Variants in CACNA1D observed in about 807,000 individuals in gnomAD.
CACNA1D encodes the protein voltage-dependent L-type calcium channel subunit alpha-1D.
CACNA1D carries 55 observed loss-of-function variants against 257.1 expected under a neutral mutation model. That is an observed-to-expected ratio of 0.21 (90% CI 0.17 to 0.27). The LOEUF (loss-of-function observed/expected upper bound fraction) is 0.27, where lower values mean the gene tolerates loss of function less well. Among genes scored for constraint, CACNA1D ranks in the 10% least tolerant of loss-of-function variants. The pLI is 1.00. For synonymous variants in CACNA1D, 980 were observed against 1,014.9 expected, an observed-to-expected ratio of 0.97 and a Z score of 0.65; for missense variants, 1,876 against 2,784.0, an observed-to-expected ratio of 0.67 and a Z score of 7.34.
At chr3:53,726,830 C>T in intron 14 of CACNA1D, 49 bp from the exon 15 acceptor site, 1 of 1,614,018 alleles carries the variant, frequency 6.2e-7, no homozygotes, top group South Asian at 1.1e-5. Flanking sequence ...AAGAGAGCGG[C>T]TGCAATTTGT....
At position 53,497,231 on chromosome 3, in the gene CACNA1D, T is replaced by C. The variant is rs769710409; in HGVS notation, c.147T>C (p.Thr49=). 6.2e-7 allele frequency: 1 copy of C among 1,614,186 alleles called. No homozygotes were observed. Among genetic ancestry groups the C allele is most frequent in the African/African-American group, 1.3e-5 (1 of 75,052 alleles). ...CTCAGCCGAATAGCTCCAAGCAAAC[T>C]GTCCTGTCTTGGCAAGCTGCAATCG... ...PTSQPNSSKQ[T]VLSWQAAIDA... Residue 49 remains threonine (T), a synonymous_variant, in exon 2 of 48, where the codon ACT becomes ACC. Coordinates refer to ENST00000350061, the MANE Select transcript of CACNA1D (RefSeq NM_001128840.3).
At chr3:53,587,294 T>C (rs767911184) in intron 3 of CACNA1D, among the ~76,000 whole-genome samples, 22 of 152,080 alleles carry the variant, frequency 1.4e-4, no homozygotes, top group Non-Finnish European at 2.5e-4. Flanking sequence ...TCGAGAACTA[T>C]TGGGGTGTAG....
chr3:53,775,009 A>G (rs938941372), intron 34 of CACNA1D, among the ~76,000 whole-genome samples: 1 of 152,224 alleles, frequency 6.6e-6, no homozygotes, highest in African/African-American at 2.4e-5. Flanking sequence ...ACGACCAGGA[A>G]GACAGAAACT....
chr3:53,805,362 C>T lies in CACNA1D; in HGVS notation c.5749+216C>T. The T allele has an allele frequency of 1.0e-5, 6 of 594,928 alleles. No homozygotes were observed. The South Asian group carries it at 1.2e-4, about 12-fold the overall frequency. The allele number at this position is 594,928 out of a possible 1,614,324, so 36.9% of individuals were successfully genotyped here. On this transcript the variant is annotated intron_variant, in intron 45 of 47. Coordinates refer to ENST00000350061, the MANE Select transcript of CACNA1D (RefSeq NM_001128840.3). ...CTAGCCTCTTCAGTGCTATGCTTGA[C>T]TCTCTTTGAGAAGAGAGAGGCTGTG...
chr3:53,715,922 G>T (rs2094813675), intron 9 of CACNA1D, among the ~76,000 whole-genome samples: 1 of 152,144 alleles, frequency 6.6e-6, no homozygotes, highest in Non-Finnish European at 1.5e-5. Context: ...CTAATAGTTG[G>T]CAGGGGGCCA....
chr3:53,772,750 C>T (rs941603896), intron 32 of CACNA1D, 83 bp from the exon 33 acceptor site: 4 of 935,944 alleles, frequency 4.3e-6, no homozygotes, highest in Non-Finnish European at 7.1e-6. Flanking sequence ...AAGCATGTGG[C>T]CACTCATGGG....
At chr3:53,657,741 A>G (rs1174245781) in intron 4 of CACNA1D, among the ~76,000 whole-genome samples, 3 of 152,216 alleles carry the variant, frequency 2.0e-5, no homozygotes, top group African/African-American at 4.8e-5. Context: ...CCTACTCACT[A>G]CAGTTTCCAA....
intron 3 of CACNA1D, among the ~76,000 whole-genome samples, chr3:53,642,661 C>T (rs13076915): frequency 0.074 from 11,254 of 152,344 alleles, 482 homozygotes; most frequent in African/African-American, 0.1. Context: ...TCCCACAGAC[C>T]GCATGTCCTT....
intron 3 of CACNA1D, among the ~76,000 whole-genome samples, chr3:53,531,711 T>C (rs2091957364): frequency 6.6e-6 from 1 of 152,222 alleles, no homozygotes; most frequent in Admixed American, 6.5e-5. Context: ...CTTCTCCTTT[T>C]GGTTTCTGTA....
At chr3:53,759,333 G>T (rs2095286269) in intron 29 of CACNA1D, among the ~76,000 whole-genome samples, 1 of 152,268 alleles carries the variant, frequency 6.6e-6, no homozygotes, top group South Asian at 2.1e-4. Flanking sequence ...TCTGGAGAGA[G>T]GGAGAGAGGA....
intron 40 of CACNA1D, among the ~76,000 whole-genome samples, chr3:53,798,556 C>T (rs1225789586): frequency 6.6e-6 from 1 of 152,164 alleles, no homozygotes; most frequent in Non-Finnish European, 1.5e-5. Context: ...GCTTTCATTC[C>T]CAGCTCTTCC....
intron 40 of CACNA1D, among the ~76,000 whole-genome samples, chr3:53,795,390 T>G (rs1467605283): frequency 6.6e-6 from 1 of 152,188 alleles, no homozygotes; most frequent in Non-Finnish European, 1.5e-5. Flanking sequence ...TCTTTCCCAG[T>G]AGGTGCAGTG....
intron 2 of CACNA1D, among the ~76,000 whole-genome samples, chr3:53,500,565 T>C (rs572304919): frequency 6.6e-6 from 1 of 152,350 alleles, no homozygotes; most frequent in Admixed American, 6.5e-5. Context: ...TTTAAGTACC[T>C]TGAAGTGTTT....
chr3:53,745,683 C>T lies in CACNA1D; in HGVS notation c.3066C>T (p.Thr1022=), dbSNP rs1045959. 1 of 1,614,128 alleles carries T rather than the reference C, an allele frequency of 6.2e-7. No individual in the cohort carries two copies. Among genetic ancestry groups the T allele is most frequent in the Non-Finnish European group, 8.5e-7 (1 of 1,179,970 alleles). ...IRTIGNIMIV[T]TLLQFMFACI... ...CCATCGGCAACATCATGATCGTCAC[C>T]ACCCTCCTGCAGTTCATGTTTGCCT... Residue 1022 remains threonine (T), a synonymous_variant, in exon 24 of 48, where the codon ACC becomes ACT. Coordinates refer to ENST00000350061, the MANE Select transcript of CACNA1D (RefSeq NM_001128840.3).
rs906171934 is a variant in CACNA1D, at chr3:53,751,548, C to T, written c.3517-201C>T. Among the ~76,000 whole-genome samples the T allele has an allele frequency of 6.6e-6, 1 of 152,132 alleles. No homozygotes were observed. Among genetic ancestry groups the T allele is most frequent in the African/African-American group, 2.4e-5 (1 of 41,418 alleles). On this transcript the variant is annotated intron_variant, in intron 27 of 47. Transcript: ENST00000350061. This position sits in a 1 kb window ranked among gnomAD's most constrained non-coding sequence, Gnocchi z 4.3. ...ACCCGGAGCTTGCTGGGAGGGTCAGCGAAGGTAATGGAGGCAGGGCCCTCG... is the reference window on the plus strand; with the variant it reads ...ACCCGGAGCTTGCTGGGAGGGTCAGTGAAGGTAATGGAGGCAGGGCCCTCG...
chr3:53,735,075 G>A (rs2095044277), intron 19 of CACNA1D, among the ~76,000 whole-genome samples: 3 of 152,190 alleles, frequency 2.0e-5, no homozygotes, highest in African/African-American at 7.2e-5. Context: ...CTCTTATTAA[G>A]CCTCAGTTTC....
chr3:53,702,595 C>A (rs1438404112), intron 8 of CACNA1D, 46 bp from the exon 9 acceptor site: 1 of 1,599,362 alleles, frequency 6.3e-7, no homozygotes, highest in Non-Finnish European at 8.6e-7. Context: ...GGATGCAGGT[C>A]CCCAAGGATG....
intron 3 of CACNA1D, among the ~76,000 whole-genome samples, chr3:53,576,604 A>G (rs767673290): frequency 1.3e-5 from 2 of 152,170 alleles, no homozygotes; most frequent in Non-Finnish European, 1.5e-5. Context: ...CACCTCAAAA[A>G]CGTAGGAGTG....
chr3:53,796,393 G>A, intron 40 of CACNA1D: 1 of 456,170 alleles, frequency 2.2e-6, no homozygotes, highest in Non-Finnish European at 4.4e-6. Flanking sequence ...TATCTCCACT[G>A]CTACAGCGTA....
Sources: allele counts gnomAD v4.1 joint callset (sites outside exome capture counted in the v4.1 genomes callset), GRCh38; gene constraint gnomAD v4.1.1; non-coding constraint Gnocchi (gnomAD v3.1); transcripts MANE v1.5; gene names NCBI Gene and HGNC (gene_info 2026-07-23, HGNC 2026-07-21).